CPZ: variants seen among roughly 807,000 people sequenced by gnomAD.
The protein encoded by CPZ is carboxypeptidase Z.
A neutral mutation model predicts 61.8 loss-of-function variants in CPZ; 103 were observed. The ratio of observed to expected loss-of-function variants is 1.67; its 90% CI spans 1.42 to 1.96. The LOEUF is 1.96. Ranked by LOEUF, CPZ falls within the 30% of genes most tolerant of loss-of-function variation. The probability of loss-of-function intolerance (pLI) is 0.00; values close to 1 mark genes in which losing one functional copy is unlikely to be tolerated. For missense variants in CPZ, 1,461 were observed against 914.9 expected (o/e 1.60, Z -7.70); for synonymous variants, 551 against 373.7 (o/e 1.47, Z -5.47).
At position 8,619,396 on chromosome 4, in the gene CPZ, A is replaced by G. The variant is rs149680311; in HGVS notation, c.1738A>G (p.Ile580Val). ...GAAGAGGGCTGGCCGTGTGGACTTC[A>G]TTCTGCAACCTCTGGGGATGGGACC... is the stretch of plus-strand genomic sequence containing the variant. ...RMKRAGRVDF[I>V]LQPLGMGPKN... The change falls in exon 11 of 11, where the codon ATT becomes GTT. Residue 580 changes from isoleucine (I) to valine (V), a missense_variant. Coordinates refer to ENST00000360986, the MANE Select transcript of CPZ (RefSeq NM_001014447.3). 9.6e-5 allele frequency: 155 copies of G among 1,614,076 alleles called. 1 individual carries two copies. In the African/African-American group the frequency reaches 1.6e-3, roughly 16 times the overall value.
intron 7 of CPZ, among the ~76,000 whole-genome samples, chr4:8,609,838 C>T (rs1437251382): frequency 6.6e-6 from 1 of 152,204 alleles, no homozygotes; most frequent in African/African-American, 2.4e-5. Flanking sequence ...CTCTGGAAAC[C>T]AGGGTCCCAG....
rs1427013601 is a variant in CPZ at position 8,592,769 on chromosome 4, CCCCGGCCCCG to C, written c.-63_-54del. On this transcript the variant is annotated 5_prime_UTR_variant, in exon 1 of 11. Transcript: ENST00000360986. ...GGGCGGGAGCCCAGCGAGCGCAGAGCCCCGGCCCCGCGCGGCCCGAGTGCCACATCACTGC... is the reference window on the plus strand; with the variant it reads ...GGGCGGGAGCCCAGCGAGCGCAGAGCCGCGGCCCGAGTGCCACATCACTGC... 6.6e-6 allele frequency: 8 copies of C among 1,207,220 alleles called. No homozygotes were observed. The highest frequency in any genetic ancestry group is 3.2e-5 in the African/African-American group (2 of 62,824). 74.8% of individuals were successfully genotyped at this position (1,207,220 alleles called of 1,614,324 possible).
At position 8,603,985 on chromosome 4, in the gene CPZ, A is replaced by AGGCTGAC. The variant is rs1476151079; in HGVS notation, c.508_514dup (p.Glu172GlyfsTer2). ...CCCACTGCTCCCCCAGGAGGCCTGG[A>AGGCTGAC]GGCTGACGAGGCACTGCCCTCAGGG... On this transcript the variant is annotated frameshift_variant, in exon 4 of 11. Coordinates refer to ENST00000360986, the MANE Select transcript of CPZ (RefSeq NM_001014447.3). LOFTEE classifies it high-confidence loss of function. The AGGCTGAC allele has an allele frequency of 2.5e-6, 4 of 1,612,026 alleles. No homozygotes were observed. Among genetic ancestry groups the AGGCTGAC allele is most frequent in the Non-Finnish European group, 3.4e-6 (4 of 1,179,730 alleles).
intron 7 of CPZ, 29 bp from the exon 8 acceptor site, chr4:8,611,993 CCCTTT>C (rs769319518): frequency 4.7e-5 from 76 of 1,613,410 alleles, no homozygotes; most frequent in Non-Finnish European, 6.3e-5. Context: ...CTGCAGGGGA[CCCTTT>C]CCTTATCTGA....
In CPZ at chr4:8,601,140, C is replaced by G. The variant is rs764965394; in HGVS notation, c.139C>G (p.Gln47Glu). The G allele has an allele frequency of 7.6e-6, 12 of 1,579,048 alleles. No homozygotes were observed. Among genetic ancestry groups the G allele is most frequent in the Non-Finnish European group, 1.0e-5 (12 of 1,156,796 alleles). ...AADSATCVDLQLRTCSDAAYN... is the reference protein window; with the variant it reads ...AADSATCVDLELRTCSDAAYN... ...CTCCCCAGCCACCTGCGTGGACCTG[C>G]AGCTCAGGACCTGCAGCGATGCCGC... The change falls in exon 3 of 11, where the codon CAG becomes GAG. Residue 47 changes from glutamine (Q) to glutamate (E), a missense_variant. Coordinates refer to ENST00000360986, the MANE Select transcript of CPZ (RefSeq NM_001014447.3).
rs542226343 is a variant in CPZ at position 8,607,128 on chromosome 4, C to T, written c.1069-139C>T. On this transcript the variant is annotated intron_variant, in intron 6 of 10. Transcript: ENST00000360986. Reference sequence around the variant, plus strand: ...CCCGCAGGGGCCCAGTGATGGGGGCCGAGTCCAGCTGGTGCGTTGATGTAG... The same window carrying T: ...CCCGCAGGGGCCCAGTGATGGGGGCTGAGTCCAGCTGGTGCGTTGATGTAG... The T allele has an allele frequency of 4.3e-5, 49 of 1,141,286 alleles. No homozygotes were observed. In the East Asian group the frequency reaches 4.5e-4, roughly 10 times the overall value. 70.7% of individuals were successfully genotyped at this position (1,141,286 alleles called of 1,614,324 possible). A position where few individuals can be genotyped will look rare whatever the true frequency, so the allele number is the denominator to read the frequency against.
chr4:8,607,530 G>T, intron 7 of CPZ, 105 bp downstream of exon 7: 1 of 1,356,696 alleles, frequency 7.4e-7, no homozygotes, highest in South Asian at 1.4e-5. Context: ...AAGCTCCTAG[G>T]AACCTCTACT....
Position 8,601,059 on chromosome 4 carries a change from T to A in CPZ, c.122-64T>A. On this transcript the variant is annotated intron_variant, in intron 2 of 10. Coordinates refer to ENST00000360986, the MANE Select transcript of CPZ (RefSeq NM_001014447.3). ...CCCTGCGTGGGGTCCCCTACGTAAA[T>A]GTCTGATGCGTGACGGTCAGGGCCA... 4 of 1,507,938 alleles carry A rather than the reference T, an allele frequency of 2.7e-6. No homozygotes were observed. The South Asian group carries it at 5.4e-5, about 21-fold the overall frequency. The allele number at this position is 1,507,938 out of a possible 1,614,324, so 93.4% of individuals were successfully genotyped here. A position where few individuals can be genotyped will look rare whatever the true frequency, so the allele number is the denominator to read the frequency against.
intron 7 of CPZ, among the ~76,000 whole-genome samples, chr4:8,610,677 G>A (rs901511920): frequency 6.6e-6 from 1 of 152,240 alleles, no homozygotes; most frequent in African/African-American, 2.4e-5. Context: ...AAAGTCCGCT[G>A]AGGCTTCCTG....
chr4:8,600,870 C>G, intron 2 of CPZ: 1 of 1,188,272 alleles, frequency 8.4e-7, no homozygotes. Context: ...ATGGAGACGC[C>G]GAGGCTCAGG....
chr4:8,615,412 CTAT>C (rs1404694030), intron 9 of CPZ, among the ~76,000 whole-genome samples: 2 of 152,122 alleles, frequency 1.3e-5, no homozygotes, highest in African/African-American at 4.8e-5. Context: ...GAAGCTTCTG[CTAT>C]TTTTTTCCCA....
chr4:8,607,787 G>T (rs1715168722), intron 7 of CPZ, among the ~76,000 whole-genome samples: 1 of 152,128 alleles, frequency 6.6e-6, no homozygotes, highest in Non-Finnish European at 1.5e-5. Context: ...TGCGTTTCCG[G>T]GAGGCGCCGG....
At chr4:8,610,219 T>G (rs1232738816) in intron 7 of CPZ, among the ~76,000 whole-genome samples, 2 of 152,314 alleles carry the variant, frequency 1.3e-5, no homozygotes, top group East Asian at 3.9e-4. Flanking sequence ...CCTGGTTTCA[T>G]TTATCTGTGT....
At chr4:8,601,718 G>A (rs1184973292) in intron 3 of CPZ, among the ~76,000 whole-genome samples, 1 of 152,174 alleles carries the variant, frequency 6.6e-6, no homozygotes, top group African/African-American at 2.4e-5. Context: ...GCTGCCCAGG[G>A]CCCCCTAGCA....
chr4:8,598,868 T>A (rs927572141), intron 1 of CPZ, among the ~76,000 whole-genome samples: 3 of 152,158 alleles, frequency 2.0e-5, no homozygotes, highest in Non-Finnish European at 4.4e-5. Context: ...TGTGTGTTGA[T>A]CCTTTGTTCT....
chr4:8,614,592 G>C (rs1282992025), intron 9 of CPZ, 94 bp downstream of exon 9: 3 of 1,336,684 alleles, frequency 2.2e-6, no homozygotes, highest in Non-Finnish European at 3.1e-6. Flanking sequence ...TAGCCTCACT[G>C]CCCCATACAC....
intron 8 of CPZ, among the ~76,000 whole-genome samples, chr4:8,613,617 A>G (rs1419816717): frequency 6.6e-6 from 1 of 152,204 alleles, no homozygotes; most frequent in Non-Finnish European, 1.5e-5. Flanking sequence ...GGCCCCCGAC[A>G]CAGCCAGCCC....
intron 1 of CPZ, among the ~76,000 whole-genome samples, chr4:8,594,660 A>G (rs754714285): frequency 2.6e-5 from 4 of 152,262 alleles, no homozygotes; most frequent in African/African-American, 4.8e-5. Flanking sequence ...AGCCGCTTTC[A>G]GACCAGTGCT....
chr4:8,605,354 T>G (rs369586095), intron 4 of CPZ, among the ~76,000 whole-genome samples: 1 of 31,822 alleles, frequency 3.1e-5, no homozygotes, highest in African/African-American at 1.4e-4. Context: ...ATCCATTTAT[T>G]CATTCAGCCA....
Sources: allele counts gnomAD v4.1 joint callset (sites outside exome capture counted in the v4.1 genomes callset), GRCh38; gene constraint gnomAD v4.1.1; transcripts MANE v1.5; gene names NCBI Gene and HGNC (gene_info 2026-07-23, HGNC 2026-07-21).